TSHZ3: variants seen among roughly 807,000 people sequenced by gnomAD.
TSHZ3 encodes the protein teashirt homolog 3.
Under a neutral mutation model 64.5 loss-of-function variants are expected in TSHZ3, and 10 were observed. The ratio of observed to expected loss-of-function variants is 0.16; its 90% CI spans 0.10 to 0.26. The LOEUF is 0.26. TSHZ3 is among the 10% of genes least tolerant of loss of function. TSHZ3 has a pLI of 1.00. For synonymous variants in TSHZ3, 608 were observed against 593.1 expected, an observed-to-expected ratio of 1.03 and a Z score of -0.36; for missense variants, 1,242 against 1,421.7, an observed-to-expected ratio of 0.87 and a Z score of 2.03.
At chr19:31,208,002 C>T (rs991995455) in intron 4 of TSHZ3, among the ~76,000 whole-genome samples, 1 of 152,208 alleles carries the variant, frequency 6.6e-6, no homozygotes, top group African/African-American at 2.4e-5. Flanking sequence ...CAACGAATGA[C>T]TGCCTTTGCT....
At chr19:31,321,783 T>A (rs1015829905) in intron 1 of TSHZ3, among the ~76,000 whole-genome samples, 1 of 151,916 alleles carries the variant, frequency 6.6e-6, no homozygotes. Flanking sequence ...ATATATATTT[T>A]TATATATATT....
At chr19:31,266,163 T>C (rs1220826584) in intron 1 of TSHZ3, among the ~76,000 whole-genome samples, 4 of 152,112 alleles carry the variant, frequency 2.6e-5, no homozygotes, top group African/African-American at 9.7e-5. Flanking sequence ...TTAAGCATCT[T>C]AAGCAACACT....
At chr19:31,152,812 C>T (rs1438299626) in intron 6 of TSHZ3, among the ~76,000 whole-genome samples, 1 of 152,150 alleles carries the variant, frequency 6.6e-6, no homozygotes. Context: ...TTACAGAACC[C>T]AATGGAGAGG....
intron 4 of TSHZ3, among the ~76,000 whole-genome samples, chr19:31,209,724 C>T (rs765862724): frequency 6.6e-6 from 1 of 152,186 alleles, no homozygotes; most frequent in Non-Finnish European, 1.5e-5. Context: ...TGAGCCCTGA[C>T]ATGAATGGGG....
At chr19:31,187,997 G>A (rs756918211) in intron 5 of TSHZ3, among the ~76,000 whole-genome samples, 43 of 152,020 alleles carry the variant, frequency 2.8e-4, no homozygotes, top group Non-Finnish European at 5.3e-4. Context: ...GTTAAATTTC[G>A]GAGATAGAAT....
intron 1 of TSHZ3, among the ~76,000 whole-genome samples, chr19:31,306,110 C>A (rs542582984): frequency 1.3e-5 from 2 of 152,188 alleles, no homozygotes; most frequent in Non-Finnish European, 2.9e-5. Context: ...CGGGGAGTGA[C>A]GCACAGGTGT....
chr19:31,293,240 CAAAGT>C (rs1157452766), intron 1 of TSHZ3, among the ~76,000 whole-genome samples: 1 of 152,144 alleles, frequency 6.6e-6, no homozygotes, highest in Non-Finnish European at 1.5e-5. Flanking sequence ...AATAAGTAAA[CAAAGT>C]AAATAGCTCA....
rs1974723584 is a variant in TSHZ3, at chr19:31,181,917, G to A, written n.809+23039C>T. On this transcript the variant is annotated intron_variant and non_coding_transcript_variant, in intron 5 of 6. Coordinates refer to the TSHZ3 transcript ENST00000651361. ...CAAGCTAAGGACACAGCTACATGCAGGACTCCAAAGAGAAGCCAGAAGGAA... is the reference window on the plus strand; with the variant it reads ...CAAGCTAAGGACACAGCTACATGCAAGACTCCAAAGAGAAGCCAGAAGGAA... 2.0e-5 allele frequency among the ~76,000 whole-genome samples: 3 copies of A among 152,112 alleles called. No homozygotes were observed. The South Asian group carries it at 6.2e-4, about 32-fold the overall frequency.
At chr19:31,221,930 C>T (rs1011820270) in intron 4 of TSHZ3, among the ~76,000 whole-genome samples, 1 of 152,188 alleles carries the variant, frequency 6.6e-6, no homozygotes, top group Non-Finnish European at 1.5e-5. Flanking sequence ...GGGACCTTTG[C>T]AACCAGCCTC....
chr19:31,327,774 T>C (rs1044791008), intron 1 of TSHZ3, among the ~76,000 whole-genome samples: 1 of 152,120 alleles, frequency 6.6e-6, no homozygotes, highest in African/African-American at 2.4e-5. Context: ...TAAAACACCC[T>C]GCACAGCCCC....
chr19:31,183,419 C>A (rs1234747003), intron 5 of TSHZ3, among the ~76,000 whole-genome samples: 2 of 152,144 alleles, frequency 1.3e-5, no homozygotes, highest in African/African-American at 4.8e-5. Flanking sequence ...TTCTGAGGCT[C>A]GTCTTGCTCT....
intron 1 of TSHZ3, among the ~76,000 whole-genome samples, chr19:31,262,007 A>T (rs1006076021): frequency 6.6e-6 from 1 of 152,204 alleles, no homozygotes; most frequent in African/African-American, 2.4e-5. Context: ...CTGTGATGAT[A>T]ATAAATCATT....
intron 1 of TSHZ3, among the ~76,000 whole-genome samples, chr19:31,341,103 C>T (rs558859527): frequency 2.0e-5 from 3 of 152,280 alleles, no homozygotes; most frequent in African/African-American, 2.4e-5. Flanking sequence ...CCCTGAGTCC[C>T]GAGGCCTCCA....
At chr19:31,173,226 A>G (rs934521721) in intron 5 of TSHZ3, among the ~76,000 whole-genome samples, 2 of 152,214 alleles carry the variant, frequency 1.3e-5, no homozygotes, top group Non-Finnish European at 2.9e-5. Context: ...AATATTCTAA[A>G]GGCAATCCAA....
At chr19:31,246,132 TA>T (rs1975755010) in intron 1 of TSHZ3, among the ~76,000 whole-genome samples, 2 of 152,218 alleles carry the variant, frequency 1.3e-5, no homozygotes, top group Admixed American at 6.5e-5. Context: ...TTGTTTTTTT[TA>T]AATTTAAAAA....
At chr19:31,224,468 G>A (rs547418658) in intron 4 of TSHZ3, among the ~76,000 whole-genome samples, 10 of 152,344 alleles carry the variant, frequency 6.6e-5, no homozygotes, top group African/African-American at 2.2e-4. Context: ...GGAAAAGGAA[G>A]TTTCAAGTGA....
Position 31,277,813 on chromosome 19 carries a change from G to T in TSHZ3, c.1980C>A (p.Ser660Arg). Reference protein sequence around the residue: ...VGEPIKMEASSDGGFRSQENS... With the variant: ...VGEPIKMEASRDGGFRSQENS... ...TCTCCTGGCTGCGGAAGCCCCCATC[G>T]CTGGATGCCTCCATCTTGATGGGTT... Residue 660 changes from serine (S) to arginine (R), a missense_variant, in exon 2 of 2, where the codon AGC (serine) becomes AGA (arginine). Ser to Arg is a moderately radical substitution (Grantham distance 110). Coordinates refer to ENST00000240587, the MANE Select transcript of TSHZ3 (RefSeq NM_020856.4). This position sits in a 1 kb window ranked among gnomAD's most constrained non-coding sequence, Gnocchi z 4.5. 1 of 1,552,148 alleles carries T rather than the reference G, an allele frequency of 6.4e-7. No individual in the cohort carries two copies. Among genetic ancestry groups the T allele is most frequent in the South Asian group, 1.3e-5 (1 of 79,358 alleles).
chr19:31,235,147 A>G (rs1413855127), intron 3 of TSHZ3, among the ~76,000 whole-genome samples: 1 of 152,242 alleles, frequency 6.6e-6, no homozygotes, highest in African/African-American at 2.4e-5. Context: ...CCACAACCAA[A>G]CTAATTAACA....
At chr19:31,214,223 G>C (rs768249753) in intron 4 of TSHZ3, among the ~76,000 whole-genome samples, 4 of 152,200 alleles carry the variant, frequency 2.6e-5, no homozygotes, top group Non-Finnish European at 4.4e-5. Flanking sequence ...TTTAAAATAT[G>C]TCTTCCTGTA....
Sources: gnomAD v4.1 joint callset for allele counts (sites outside exome capture counted in the v4.1 genomes callset) on GRCh38, gnomAD v4.1.1 for gene constraint, Gnocchi (gnomAD v3.1) non-coding constraint, MANE v1.5 for transcripts, NCBI Gene and HGNC (gene_info 2026-07-23, HGNC 2026-07-21) for gene names.